The following AXDND1 variants were observed in gnomAD, a reference collection of about 807,000 sequenced individuals.
The protein encoded by AXDND1 is axonemal dynein light chain domain containing 1.
AXDND1 carries 110 observed loss-of-function variants against 137.5 expected under a neutral mutation model. The observed-to-expected ratio is 0.80, with a 90% CI of 0.69 to 0.94. The LOEUF is 0.94. Among genes scored for constraint, AXDND1 ranks in the 40% least tolerant of loss-of-function variants. The pLI is 0.00. For missense variants in AXDND1, 1,191 were observed against 1,169.8 expected (o/e 1.02, Z -0.26); for synonymous variants, 414 against 399.7 (o/e 1.04, Z -0.43).
chr1:179,551,858 A>G lies in AXDND1; in HGVS notation c.3032-2654A>G, dbSNP rs202020246. On this transcript the variant is annotated intron_variant, in intron 25 of 25. Coordinates refer to ENST00000367618, the MANE Select transcript of AXDND1 (RefSeq NM_144696.6). Reference sequence around the variant, plus strand: ...GAAGTGAAAGTGCTGAGCTCACTACACAAATGCTACCTGAAAGTGGGTGAA... The same window carrying G: ...GAAGTGAAAGTGCTGAGCTCACTACGCAAATGCTACCTGAAAGTGGGTGAA... The G allele has an allele frequency of 6.3e-5, 14 of 223,964 alleles. No individual in the cohort carries two copies. In the East Asian group the frequency reaches 1.6e-3, roughly 25 times the overall value. The allele number at this position is 223,964 out of a possible 1,614,324, so 13.9% of individuals were successfully genotyped here.
At chr1:179,436,705 A>G (rs1308288829) in intron 15 of AXDND1, among the ~76,000 whole-genome samples, 1 of 152,120 alleles carries the variant, frequency 6.6e-6, no homozygotes, top group African/African-American at 2.4e-5. Context: ...GTGCAGGGGC[A>G]AGGGGAAGGA....
intron 9 of AXDND1, among the ~76,000 whole-genome samples, chr1:179,389,323 T>A (rs1027711976): frequency 1.3e-5 from 2 of 152,224 alleles, no homozygotes; most frequent in African/African-American, 2.4e-5. Flanking sequence ...CGTAGTCTTA[T>A]AAAATCTGCT....
At chr1:179,413,695 G>T (rs1332782281) in intron 12 of AXDND1, among the ~76,000 whole-genome samples, 2 of 152,064 alleles carry the variant, frequency 1.3e-5, no homozygotes, top group Non-Finnish European at 2.9e-5. Context: ...AATAGTGCTG[G>T]AATAAACATA....
intron 19 of AXDND1, among the ~76,000 whole-genome samples, chr1:179,492,084 T>C (rs765216588): frequency 1.3e-5 from 2 of 152,162 alleles, no homozygotes; most frequent in African/African-American, 4.8e-5. Flanking sequence ...TACCGTCATG[T>C]ATTTTTTTAG....
At chr1:179,480,993 T>C (rs1051838438) in intron 17 of AXDND1, among the ~76,000 whole-genome samples, 39 of 116,448 alleles carry the variant, frequency 3.3e-4, no homozygotes, top group African/African-American at 1.0e-3. Context: ...TATATATTTT[T>C]TTAATTATAC....
At chr1:179,367,540 C>G (rs1163691273) in intron 2 of AXDND1, among the ~76,000 whole-genome samples, 1 of 151,416 alleles carries the variant, frequency 6.6e-6, no homozygotes, top group Non-Finnish European at 1.5e-5. Context: ...AGTTTGAGAC[C>G]AGCCTGACCA....
chr1:179,552,990 T>C (rs1673547937), intron 25 of AXDND1, among the ~76,000 whole-genome samples: 1 of 152,208 alleles, frequency 6.6e-6, no homozygotes, highest in African/African-American at 2.4e-5. Context: ...AAGCCCCAAC[T>C]AATAAATTTG....
At chr1:179,545,194 T>G (rs1672532309) in intron 25 of AXDND1, 1 of 152,244 alleles carries the variant, frequency 6.6e-6, no homozygotes. Context: ...GCCTTTGCTC[T>G]TATCTCTGAA....
At chr1:179,433,093 C>T (rs1032287215) in intron 15 of AXDND1, among the ~76,000 whole-genome samples, 5 of 152,002 alleles carry the variant, frequency 3.3e-5, no homozygotes, top group African/African-American at 1.2e-4. Context: ...TTACTGGTTT[C>T]GTCTTGGGAG....
intron 18 of AXDND1, among the ~76,000 whole-genome samples, chr1:179,487,343 T>C (rs1424769498): frequency 6.7e-6 from 1 of 148,448 alleles, no homozygotes; most frequent in East Asian, 1.9e-4. Flanking sequence ...CAAAAAGTCT[T>C]TGAGCAAGCC....
intron 17 of AXDND1, among the ~76,000 whole-genome samples, chr1:179,474,010 G>A (rs1664293128): frequency 6.6e-6 from 1 of 152,040 alleles, no homozygotes; most frequent in South Asian, 2.1e-4. Flanking sequence ...GATCACCTGA[G>A]GTCAGGCGTT....
Position 179,485,989 on chromosome 1 carries a change from G to C in AXDND1, c.2091+2768G>C, listed in dbSNP as rs113696218. Reference sequence around the variant, plus strand: ...AGAAAATTAGCTAGGCATGGTGGTGGGCACCTGTAATTCCAGCTACTCAGG... The same window carrying C: ...AGAAAATTAGCTAGGCATGGTGGTGCGCACCTGTAATTCCAGCTACTCAGG... On this transcript the variant is annotated intron_variant, in intron 18 of 25. Coordinates refer to ENST00000367618, the MANE Select transcript of AXDND1 (RefSeq NM_144696.6). Among the ~76,000 whole-genome samples, 1,267 of 151,804 alleles carry C rather than the reference G, an allele frequency of 8.3e-3. 10 individuals carry two copies. The highest frequency in any genetic ancestry group is 0.014 in the Non-Finnish European group (984 of 67,928).
chr1:179,483,628 T>G (rs1176827324), intron 18 of AXDND1, among the ~76,000 whole-genome samples: 2 of 152,226 alleles, frequency 1.3e-5, no homozygotes, highest in Non-Finnish European at 2.9e-5. Flanking sequence ...GCTACATTAA[T>G]CCCTTCTTTG....
At chr1:179,486,337 A>G (rs960027779) in intron 18 of AXDND1, among the ~76,000 whole-genome samples, 10 of 152,164 alleles carry the variant, frequency 6.6e-5, no homozygotes, top group Non-Finnish European at 1.3e-4. Context: ...ATGTAAAAAT[A>G]TCAAATATAC....
Position 179,379,500 on chromosome 1 carries a change from TA to T in AXDND1, c.581+24del, listed in dbSNP as rs775622491. On this transcript the variant is annotated intron_variant, in intron 6 of 25. Transcript: ENST00000367618. ...TATGATGAGTGAGTACTATGATATG[TA>T]AAAAATACCTGCCCCAGCTCGGTGG... 34 of 1,597,342 alleles carry T rather than the reference TA, an allele frequency of 2.1e-5. No homozygotes were observed. The highest frequency in any genetic ancestry group is 2.9e-5 in the Non-Finnish European group (34 of 1,172,624).
intron 22 of AXDND1, among the ~76,000 whole-genome samples, chr1:179,526,613 T>G (rs1670553120): frequency 6.6e-6 from 1 of 152,240 alleles, no homozygotes; most frequent in Admixed American, 6.5e-5. Flanking sequence ...ATAGTTTAAG[T>G]GTTGGCATGA....
intron 25 of AXDND1, chr1:179,543,743 A>G (rs1672384135): frequency 6.6e-6 from 1 of 152,222 alleles, no homozygotes; most frequent in South Asian, 2.1e-4. Context: ...CAGTTAAATG[A>G]CCACACTTGA....
intron 9 of AXDND1, 116 bp downstream of exon 9, chr1:179,385,475 G>A: frequency 8.5e-7 from 1 of 1,176,680 alleles, no homozygotes; most frequent in Non-Finnish European, 1.2e-6. Context: ...CTGATCGTAA[G>A]TAATCTAACT....
chr1:179,554,234 A>C (rs1673737933), intron 25 of AXDND1, among the ~76,000 whole-genome samples: 1 of 152,174 alleles, frequency 6.6e-6, no homozygotes. Context: ...AATTTCATGT[A>C]AATTTTATCT....
Sources: allele counts gnomAD v4.1 joint callset (sites outside exome capture counted in the v4.1 genomes callset), GRCh38; gene constraint gnomAD v4.1.1; transcripts MANE v1.5; gene names NCBI Gene and HGNC (gene_info 2026-07-23, HGNC 2026-07-21).